The following PLA2R1 variants were observed in gnomAD, a reference collection of about 807,000 sequenced individuals.
The protein encoded by PLA2R1 is phospholipase A2 receptor 1.
PLA2R1 carries 158 observed loss-of-function variants against 195.9 expected under a neutral mutation model. The ratio of observed to expected loss-of-function variants is 0.81; its 90% CI spans 0.71 to 0.92. The LOEUF (loss-of-function observed/expected upper bound fraction) is 0.92. Ranked by LOEUF, PLA2R1 falls within the 40% of genes least tolerant of loss-of-function variation. The pLI is 0.00. For missense variants in PLA2R1, 1,626 were observed against 1,764.6 expected (o/e 0.92, Z 1.41); for synonymous variants, 586 against 598.2 (o/e 0.98, Z 0.30).
rs2105476244 is a variant in PLA2R1, at chr2:160,022,787, T to C, written c.1172A>G (p.Lys391Arg). ...GWNPYNRNCY[K>R]LQKEEKTWHE... ...CCAGGTCTTTTCTTCTTTCTGAAGT[T>C]TGTAGCAATTACGATTGTAGGGATT... The change falls in exon 7 of 30, where the codon AAA (lysine) becomes AGA (arginine). Residue 391 changes from lysine to arginine, a missense_variant. Physicochemically the swap from Lys to Arg is conservative, Grantham distance 26. Transcript: ENST00000283243. 6.2e-7 allele frequency: 1 copy of C among 1,613,756 alleles called. No homozygotes were observed. The highest frequency in any genetic ancestry group is 2.2e-5 in the East Asian group (1 of 44,886).
chr2:160,046,483 G>C (rs1220407990), intron 1 of PLA2R1, among the ~76,000 whole-genome samples: 1 of 152,204 alleles, frequency 6.6e-6, no homozygotes, highest in Non-Finnish European at 1.5e-5. Flanking sequence ...ATGGATCCAC[G>C]AGGGAACAAT....
At chr2:159,970,293 G>T in intron 17 of PLA2R1, 81 bp from the exon 18 acceptor site, 1 of 875,432 alleles carries the variant, frequency 1.1e-6, no homozygotes, top group Non-Finnish European at 1.8e-6. Context: ...GCTGCTAATA[G>T]CTTTCTATTC....
chr2:160,013,751 G>C lies in PLA2R1; in HGVS notation c.1552-376C>G, dbSNP rs28675799. On this transcript the variant is annotated intron_variant, in intron 9 of 29. Transcript: ENST00000283243. ...TGTGTGTGTGTGTGTGTGTGTGTGT[G>C]TCTCTCTCTCTCTGACTTACAGAAT... 8.9e-3 allele frequency among the ~76,000 whole-genome samples: 1,151 copies of C among 129,858 alleles called. 10 individuals are homozygous for C. Among genetic ancestry groups the C allele is most frequent in the South Asian group, 0.014 (56 of 3,918 alleles). The allele number at this position is 129,858 out of a possible 152,430, so 85.2% of individuals were successfully genotyped here.
In PLA2R1 at chr2:159,941,465, T is replaced by C. The variant is rs1187787593; in HGVS notation, c.*313A>G. On this transcript the variant is annotated 3_prime_UTR_variant, in exon 30 of 30. Coordinates refer to ENST00000283243, the MANE Select transcript of PLA2R1 (RefSeq NM_007366.5). ...CCAAATTTTAGTAGAGATACATTAA[T>C]GCAAAAACTATTATTCGCATTGATT... 2.1e-5 allele frequency: 4 copies of C among 188,600 alleles called. No homozygotes were observed. The East Asian group carries it at 5.5e-4, about 26-fold the overall frequency. The allele number at this position is 188,600 out of a possible 1,614,324, so 11.7% of individuals were successfully genotyped here.
chr2:159,962,951 G>A (rs1396428986), intron 20 of PLA2R1, among the ~76,000 whole-genome samples: 1 of 152,116 alleles, frequency 6.6e-6, no homozygotes, highest in Non-Finnish European at 1.5e-5. Flanking sequence ...GTTGATGGGT[G>A]CAGCAAACCA....
At chr2:159,986,823 G>C (rs1276489677) in intron 12 of PLA2R1, among the ~76,000 whole-genome samples, 4 of 152,140 alleles carry the variant, frequency 2.6e-5, no homozygotes, top group African/African-American at 4.8e-5. Context: ...CTGACTTCAA[G>C]TGAGCCGCCT....
At chr2:159,929,699 C>T (rs1686545214), downstream of PLA2R1, among the ~76,000 whole-genome samples, 1 of 152,158 alleles carries the variant, frequency 6.6e-6, no homozygotes, top group Admixed American at 6.5e-5. Context: ...ATAACTTGTA[C>T]ACGCATGTTC....
chr2:159,951,794 A>C (rs1434263140), intron 23 of PLA2R1, among the ~76,000 whole-genome samples: 1 of 152,260 alleles, frequency 6.6e-6, no homozygotes, highest in Non-Finnish European at 1.5e-5. Flanking sequence ...TCAAAAACAT[A>C]AACATAGATT....
At chr2:160,016,459 G>T (rs922863073) in intron 9 of PLA2R1, among the ~76,000 whole-genome samples, 155 bp downstream of exon 9, 3 of 121,064 alleles carry the variant, frequency 2.5e-5, no homozygotes, top group Non-Finnish European at 5.3e-5. Flanking sequence ...AAAAAAAAGA[G>T]GAAAGGAAAG....
downstream of PLA2R1, among the ~76,000 whole-genome samples, chr2:159,929,781 G>T (rs977419228): frequency 6.6e-6 from 1 of 151,486 alleles, no homozygotes; most frequent in African/African-American, 2.4e-5. Context: ...AGTGGATAAA[G>T]AAATTGTATA....
At chr2:159,987,074 G>A (rs905896553) in intron 12 of PLA2R1, 82 bp downstream of exon 12, 13 of 1,114,664 alleles carry the variant, frequency 1.2e-5, no homozygotes, top group East Asian at 7.1e-5. Flanking sequence ...AAAGGGCCCC[G>A]GAATAAAGGA....
chr2:160,036,587 T>C (rs1694176988), intron 3 of PLA2R1, among the ~76,000 whole-genome samples: 1 of 152,208 alleles, frequency 6.6e-6, no homozygotes. Flanking sequence ...CTGGTGCAGG[T>C]GCCTTCCATT....
intron 1 of PLA2R1, among the ~76,000 whole-genome samples, chr2:160,054,578 A>G (rs1450120775): frequency 6.6e-6 from 1 of 152,228 alleles, no homozygotes; most frequent in African/African-American, 2.4e-5. Flanking sequence ...AGTTGTCTAA[A>G]AAGTATCATA....
rs1004886200 is a variant in PLA2R1 at position 159,944,949 on chromosome 2, G to A, written c.4101C>T (p.Ser1367=). 6.2e-7 allele frequency: 1 copy of A among 1,612,800 alleles called. No homozygotes were observed. The highest frequency in any genetic ancestry group is 1.7e-4 in the Middle Eastern group (1 of 6,048). Residue 1367 remains serine (S), a synonymous_variant, in exon 28 of 30, where the codon TCC becomes TCT. Transcript: ENST00000283243. Reference sequence around the variant, plus strand: ...TAAAGCCTTTTTTTTCTTGACACGGGGATAGCTGCCATAATCCTTCAGGGA... The same window carrying A: ...TAAAGCCTTTTTTTTCTTGACACGGAGATAGCTGCCATAATCCTTCAGGGA... ...LRIPEGLWQL[S]PCQEKKGFIC...
chr2:160,028,437 G>C, intron 5 of PLA2R1, 76 bp from the exon 6 acceptor site: 1 of 1,021,738 alleles, frequency 9.8e-7, no homozygotes, highest in Non-Finnish European at 1.5e-6. Flanking sequence ...GTGGTTTTCA[G>C]CATCGGGGGA....
chr2:159,976,680 C>T lies in PLA2R1; in HGVS notation c.2437+5G>A. ...AAATTCAAGAGCTGCCAGAGTCATT[C>T]TTACCGTACTGGTACCAGAACGGAA... On this transcript the variant is annotated splice_donor_5th_base_variant and intron_variant, in intron 16 of 29. Transcript: ENST00000283243. 5.1e-6 allele frequency: 8 copies of T among 1,583,010 alleles called. No individual in the cohort carries two copies. Among genetic ancestry groups the T allele is most frequent in the Non-Finnish European group, 6.9e-6 (8 of 1,152,422 alleles).
In PLA2R1 at chr2:159,942,118, C is replaced by G; in HGVS notation, c.4177+9G>C. 1 of 1,609,304 alleles carries G rather than the reference C, an allele frequency of 6.2e-7. No individual in the cohort carries two copies. The highest frequency in any genetic ancestry group is 8.5e-7 in the Non-Finnish European group (1 of 1,175,922). ...AAAATCAAAATGTTTTGTATGGTTTCAAACGTACCTTTTTCTGGCAGCGCC... is the reference window on the plus strand; with the variant it reads ...AAAATCAAAATGTTTTGTATGGTTTGAAACGTACCTTTTTCTGGCAGCGCC... On this transcript the variant is annotated intron_variant, in intron 29 of 29. Transcript: ENST00000283243.
At chr2:160,028,655 A>G (rs1257109094) in intron 5 of PLA2R1, among the ~76,000 whole-genome samples, 195 bp downstream of exon 5, 1 of 152,202 alleles carries the variant, frequency 6.6e-6, no homozygotes, top group East Asian at 1.9e-4. Flanking sequence ...TCCTCCTGCA[A>G]CTTTGGCTAA....
intron 16 of PLA2R1, 71 bp downstream of exon 16, chr2:159,976,614 T>C (rs1367495405): frequency 2.2e-6 from 2 of 914,448 alleles, no homozygotes; most frequent in Non-Finnish European, 3.6e-6. Flanking sequence ...AACACATTAA[T>C]GGTATATAAT....
Sources: allele counts gnomAD v4.1 joint callset (sites outside exome capture counted in the v4.1 genomes callset), GRCh38; gene constraint gnomAD v4.1.1; transcripts MANE v1.5; gene names NCBI Gene and HGNC (gene_info 2026-07-23, HGNC 2026-07-21).